Variants in KCNT2 observed in about 807,000 individuals in gnomAD.
KCNT2 encodes the protein potassium sodium-activated channel subfamily T member 2, also known as potassium channel subfamily T member 2.
A neutral mutation model predicts 153.8 loss-of-function variants in KCNT2; 67 were observed. The ratio of observed to expected loss-of-function variants is 0.44; its 90% confidence interval spans 0.36 to 0.53. KCNT2 has a LOEUF of 0.53. Ranked by LOEUF, KCNT2 falls within the 20% of genes least tolerant of loss-of-function variation. The pLI, the probability that KCNT2 is intolerant of heterozygous loss-of-function variation, is 0.00. For synonymous variants in KCNT2, 500 were observed against 458.8 expected (o/e 1.09, Z -1.15); for missense variants, 975 against 1,354.8 (o/e 0.72, Z 4.40).
intron 8 of KCNT2, among the ~76,000 whole-genome samples, chr1:196,442,817 A>G (rs1333502571): frequency 6.8e-6 from 1 of 147,076 alleles, no homozygotes; most frequent in Non-Finnish European, 1.5e-5. Context: ...CTTTGCCTAT[A>G]CAACAAGACA....
At chr1:196,360,378 G>A (rs1667517223) in intron 14 of KCNT2, among the ~76,000 whole-genome samples, 1 of 151,928 alleles carries the variant, frequency 6.6e-6, no homozygotes, top group Non-Finnish European at 1.5e-5. Context: ...AAAGAAGCAG[G>A]CTTCTGTGGA....
chr1:196,324,592 A>G (rs16839791), intron 19 of KCNT2, among the ~76,000 whole-genome samples: 7,536 of 152,124 alleles, frequency 0.05, 286 homozygotes, highest in Non-Finnish European at 0.072. Flanking sequence ...TAAAATGTAA[A>G]GTAAAGTGTG....
At chr1:196,286,372 C>T (rs1244630179) in intron 22 of KCNT2, among the ~76,000 whole-genome samples, 1 of 152,038 alleles carries the variant, frequency 6.6e-6, no homozygotes, top group East Asian at 1.9e-4. Context: ...AGGAAATGGG[C>T]CCTCACCAGA....
At chr1:196,283,656 A>G (rs1659342080) in intron 23 of KCNT2, among the ~76,000 whole-genome samples, 1 of 152,164 alleles carries the variant, frequency 6.6e-6, no homozygotes, top group Non-Finnish European at 1.5e-5. Context: ...ACAGTAGATC[A>G]AAAGTCCCAC....
At chr1:196,469,236 G>T (rs1677876678) in intron 5 of KCNT2, among the ~76,000 whole-genome samples, 168 bp from the exon 6 acceptor site, 1 of 151,728 alleles carries the variant, frequency 6.6e-6, no homozygotes, top group African/African-American at 2.4e-5. Context: ...TTTTTCTTAG[G>T]GTAATTGTGC....
intron 2 of KCNT2, among the ~76,000 whole-genome samples, chr1:196,491,296 A>T (rs1287189531): frequency 6.6e-6 from 1 of 152,044 alleles, no homozygotes; most frequent in Non-Finnish European, 1.5e-5. Flanking sequence ...AGTTGCTAAC[A>T]GTCTTAACCT....
At chr1:196,233,528 T>C (rs1654143406) in intron 27 of KCNT2, among the ~76,000 whole-genome samples, 1 of 151,428 alleles carries the variant, frequency 6.6e-6, no homozygotes, top group Non-Finnish European at 1.5e-5. Context: ...TATTTAGCCT[T>C]TTTCAGCTGG....
chr1:196,370,961 A>T (rs1054891004), intron 14 of KCNT2, among the ~76,000 whole-genome samples: 3 of 152,124 alleles, frequency 2.0e-5, no homozygotes, highest in Admixed American at 1.3e-4. Context: ...AGTACACTAG[A>T]AGCCCAATCT....
rs149341689 is a variant in KCNT2, at chr1:196,567,350, G to T, written c.95+40865C>A. Among the ~76,000 whole-genome samples, 21 of 152,278 alleles carry T rather than the reference G, an allele frequency of 1.4e-4. No individual in the cohort carries two copies. The East Asian group carries it at 4.1e-3, about 29-fold the overall frequency. The stretch of plus-strand genomic sequence containing the variant: ...AATCTCCTTATCTGTCAAGGGCAAA[G>T]ATCAAATGTCCACTCCTCCCTGAAG... On this transcript the variant is annotated intron_variant, in intron 1 of 27. Transcript: ENST00000294725.
intron 1 of KCNT2, among the ~76,000 whole-genome samples, chr1:196,592,654 T>C (rs1223459346): frequency 6.8e-6 from 1 of 146,924 alleles, no homozygotes. Flanking sequence ...GAAATACATA[T>C]ATATGTCTAT....
At chr1:196,577,078 C>A (rs1300644675) in intron 1 of KCNT2, among the ~76,000 whole-genome samples, 1 of 151,990 alleles carries the variant, frequency 6.6e-6, no homozygotes, top group Non-Finnish European at 1.5e-5. Context: ...ACTTTATTAA[C>A]TGTTTATGAA....
chr1:196,448,657 C>G (rs1377964720), intron 8 of KCNT2, among the ~76,000 whole-genome samples: 1 of 151,534 alleles, frequency 6.6e-6, no homozygotes, highest in Non-Finnish European at 1.5e-5. Flanking sequence ...ACTTTAAAAG[C>G]TGTCTCAAAT....
chr1:196,497,651 T>C (rs1362547324), intron 1 of KCNT2, among the ~76,000 whole-genome samples: 1 of 152,058 alleles, frequency 6.6e-6, no homozygotes, highest in Non-Finnish European at 1.5e-5. Flanking sequence ...ATATTTACAC[T>C]TTACTAAAAA....
At chr1:196,545,367 C>G (rs1318463133) in intron 1 of KCNT2, among the ~76,000 whole-genome samples, 2 of 152,032 alleles carry the variant, frequency 1.3e-5, no homozygotes, top group African/African-American at 4.8e-5. Context: ...AGTAGATCAC[C>G]AGTGTAGAGA....
intron 1 of KCNT2, among the ~76,000 whole-genome samples, chr1:196,505,826 AT>A (rs1681090055): frequency 6.6e-6 from 1 of 151,874 alleles, no homozygotes; most frequent in South Asian, 2.1e-4. Flanking sequence ...ATTCCTAGGT[AT>A]TTTATTCTCT....
intron 13 of KCNT2, among the ~76,000 whole-genome samples, chr1:196,379,224 T>C (rs1381690255): frequency 6.6e-6 from 1 of 152,174 alleles, no homozygotes; most frequent in Non-Finnish European, 1.5e-5. Context: ...GTCATTTTTT[T>C]TCCTTCTAGC....
intron 22 of KCNT2, among the ~76,000 whole-genome samples, chr1:196,296,540 C>A (rs980188616): frequency 6.6e-6 from 1 of 151,936 alleles, no homozygotes; most frequent in Non-Finnish European, 1.5e-5. Context: ...AAATAGTAAA[C>A]TAATTATTTG....
chr1:196,467,598 G>T, intron 7 of KCNT2, 105 bp downstream of exon 7: 1 of 619,900 alleles, frequency 1.6e-6, no homozygotes, highest in Non-Finnish European at 2.8e-6. Flanking sequence ...GAATTAGAAA[G>T]TTCAAGACTA....
At chr1:196,501,867 C>T (rs902374721) in intron 1 of KCNT2, among the ~76,000 whole-genome samples, 8 of 152,068 alleles carry the variant, frequency 5.3e-5, no homozygotes, top group African/African-American at 1.9e-4. Flanking sequence ...GCTTGTAATC[C>T]CAGCACTTTG....
Sources: gnomAD v4.1 joint callset for allele counts (sites outside exome capture counted in the v4.1 genomes callset) on GRCh38, gnomAD v4.1.1 for gene constraint, MANE v1.5 for transcripts, NCBI Gene and HGNC (gene_info 2026-07-23, HGNC 2026-07-21) for gene names.